The following PRKCSH variants were observed in gnomAD, a reference collection of about 807,000 sequenced individuals.
The protein encoded by PRKCSH is PRKCSH beta subunit of glucosidase II, also known as glucosidase 2 subunit beta.
A neutral mutation model predicts 79.7 loss-of-function variants in PRKCSH; 42 were observed. The ratio of observed to expected loss-of-function variants is 0.53; its 90% CI spans 0.41 to 0.68. The LOEUF is 0.68. PRKCSH is among the 30% of genes least tolerant of loss of function. The pLI is 0.00. For missense variants in PRKCSH, 686 were observed against 709.0 expected, an observed-to-expected ratio of 0.97 and a Z score of 0.37; for synonymous variants, 325 against 288.2, an observed-to-expected ratio of 1.13 and a Z score of -1.29.
In PRKCSH at chr19:11,437,983, T is replaced by C. The variant is rs745462223; in HGVS notation, c.292+12T>C. 1 of 1,613,854 alleles carries C rather than the reference T, an allele frequency of 6.2e-7. No individual in the cohort carries two copies. The highest frequency in any genetic ancestry group is 8.5e-7 in the Non-Finnish European group (1 of 1,179,764). On this transcript the variant is annotated intron_variant, in intron 4 of 17. Coordinates refer to ENST00000677123, the MANE Select transcript of PRKCSH (RefSeq NM_001289104.2). The stretch of plus-strand genomic sequence containing the variant: ...CGATGGTGTTTGTGGTAAGTGAAGA[T>C]GCACCAGGATTCTGGAAAGGTGGTA...
At chr19:11,446,390 C>T (rs2144841520) in intron 9 of PRKCSH, 40 bp downstream of exon 9, 2 of 1,594,758 alleles carry the variant, frequency 1.3e-6, no homozygotes, top group South Asian at 1.1e-5. Flanking sequence ...TTCTAGGGAG[C>T]ATTGCCCCAG....
At chr19:11,438,584 G>A (rs1363349417) in intron 5 of PRKCSH, among the ~76,000 whole-genome samples, 3 of 151,720 alleles carry the variant, frequency 2.0e-5, no homozygotes, top group African/African-American at 4.8e-5. Context: ...GTGAAACTCC[G>A]TCTCACTAAA....
At chr19:11,440,747 C>T (rs550290284) in intron 5 of PRKCSH, among the ~76,000 whole-genome samples, 1 of 152,350 alleles carries the variant, frequency 6.6e-6, no homozygotes, top group East Asian at 1.9e-4. Context: ...GCCACCACGC[C>T]CAGCCAACCA....
Position 11,448,207 on chromosome 19 carries a change from C to T in PRKCSH, c.1127-15C>T. ...TGGGGTTGAGGACATCTCTGACCTC[C>T]AACCCCTCTCCCAGCTGCCCAGGAG... is the stretch of plus-strand genomic sequence containing the variant. On this transcript the variant is annotated splice_polypyrimidine_tract_variant and intron_variant, in intron 12 of 17. Transcript: ENST00000677123. This position sits in a 1 kb window ranked among gnomAD's most constrained non-coding sequence, Gnocchi z 4.4. 1.3e-6 allele frequency: 2 copies of T among 1,554,298 alleles called. No homozygotes were observed. Among genetic ancestry groups the T allele is most frequent in the Non-Finnish European group, 1.7e-6 (2 of 1,148,390 alleles).
chr19:11,446,963 GGGCCC>G (rs1970334078), intron 9 of PRKCSH, 106 bp from the exon 10 acceptor site: 4 of 1,183,486 alleles, frequency 3.4e-6, no homozygotes. Flanking sequence ...CTGGTCATCA[GGGCCC>G]GGGGCCCAGC....
Position 11,447,801 on chromosome 19 carries a change from CG to C in PRKCSH, c.1126+17del. ...GGCCTTCATCGATGGTGAGGGTGGGCGGGGGCCAGGCTCCTCGGGTGGGCCC... is the reference window on the plus strand; with the variant it reads ...GGCCTTCATCGATGGTGAGGGTGGGCGGGGCCAGGCTCCTCGGGTGGGCCC... On this transcript the variant is annotated intron_variant, in intron 12 of 17. Coordinates refer to ENST00000677123, the MANE Select transcript of PRKCSH (RefSeq NM_001289104.2). This position sits in a 1 kb window ranked among gnomAD's most constrained non-coding sequence, Gnocchi z 5.6. 6 of 1,550,754 alleles carry C rather than the reference CG, an allele frequency of 3.9e-6. No homozygotes were observed. The highest frequency in any genetic ancestry group is 5.2e-6 in the Non-Finnish European group (6 of 1,147,472).
chr19:11,442,315 C>T (rs1017338882), intron 6 of PRKCSH, 71 bp from the exon 7 acceptor site: 2 of 1,529,766 alleles, frequency 1.3e-6, no homozygotes, highest in African/African-American at 2.8e-5. Flanking sequence ...GGAGTAGAGG[C>T]AGGGAGGTAG....
rs576156349 is a variant in PRKCSH at position 11,437,097 on chromosome 19, G to A, written c.196+592G>A. 4.7e-5 allele frequency among the ~76,000 whole-genome samples: 7 copies of A among 150,286 alleles called. No individual in the cohort carries two copies. In the South Asian group the frequency reaches 1.3e-3, roughly 27 times the overall value. ...GTTTCCCAGGCTGGAGTGCAGTGGC[G>A]CCATCTCGGCTCACTGCAAGCTCCG... On this transcript the variant is annotated intron_variant, in intron 3 of 17. Coordinates refer to ENST00000677123, the MANE Select transcript of PRKCSH (RefSeq NM_001289104.2).
At chr19:11,437,839 C>G (rs751290250) in intron 3 of PRKCSH, 37 bp from the exon 4 acceptor site, 10 of 1,572,926 alleles carry the variant, frequency 6.4e-6, no homozygotes, top group Non-Finnish European at 7.9e-6. Flanking sequence ...TGTCCCTGAG[C>G]TGACTCCGAA....
At chr19:11,446,645 G>A (rs1302518602) in intron 9 of PRKCSH, among the ~76,000 whole-genome samples, 16 of 48,884 alleles carry the variant, frequency 3.3e-4, no homozygotes, top group East Asian at 5.7e-4. Context: ...CCACACCCTC[G>A]TCCCCTGTCT....
chr19:11,448,012 C>T lies in PRKCSH; in HGVS notation c.1127-210C>T. 1 of 745,502 alleles carries T rather than the reference C, an allele frequency of 1.3e-6. No homozygotes were observed. The highest frequency in any genetic ancestry group is 2.2e-6 in the Non-Finnish European group (1 of 456,414). 46.2% of individuals were successfully genotyped at this position (745,502 alleles called of 1,614,324 possible). Reference sequence around the variant, plus strand: ...CCCAAGGGCCGCAGCTTGTTTGTGTCACTCCTGGCCCCACTCGCTCAGGAG... The same window carrying T: ...CCCAAGGGCCGCAGCTTGTTTGTGTTACTCCTGGCCCCACTCGCTCAGGAG... On this transcript the variant is annotated intron_variant, in intron 12 of 17. Transcript: ENST00000677123. The surrounding 1 kb of genome is among the most constrained non-coding windows in gnomAD (Gnocchi z 4.4).
chr19:11,447,695 G>C lies in PRKCSH; in HGVS notation c.1032G>C (p.Glu344Asp). 6.4e-7 allele frequency: 1 copy of C among 1,570,818 alleles called. No individual in the cohort carries two copies. Among genetic ancestry groups the C allele is most frequent in the Non-Finnish European group, 8.6e-7 (1 of 1,156,506 alleles). Reference protein sequence around the residue: ...DSEVQGEQPKEAPPPLSPPQP... With the variant: ...DSEVQGEQPKDAPPPLSPPQP... ...CACTGACCCTGCCCCTGCCCCAGGA[G>C]GCCCCACCGCCACTGTCACCCCCGC... Residue 344 changes from glutamate to aspartate, a missense_variant and splice_region_variant, in exon 12 of 18, where the codon GAG (glutamate) becomes GAC (aspartate). Glu to Asp is a conservative substitution (Grantham distance 45). This residue lies in a region of PRKCSH where 549 missense variants were observed against 520.2 expected (regional missense o/e 1.06). Coordinates refer to ENST00000677123, the MANE Select transcript of PRKCSH (RefSeq NM_001289104.2). The surrounding 1 kb of genome is among the most constrained non-coding windows in gnomAD (Gnocchi z 5.6).
At chr19:11,438,491 T>C (rs1846471766) in intron 5 of PRKCSH, among the ~76,000 whole-genome samples, 1 of 151,866 alleles carries the variant, frequency 6.6e-6, no homozygotes, top group Non-Finnish European at 1.5e-5. Context: ...GCGCGGTGGC[T>C]CACACCTGTA....
intron 3 of PRKCSH, among the ~76,000 whole-genome samples, chr19:11,436,926 T>C (rs753391023): frequency 6.6e-6 from 1 of 152,200 alleles, no homozygotes; most frequent in Non-Finnish European, 1.5e-5. Flanking sequence ...GGCATGATCG[T>C]AGCTCACTGC....
chr19:11,449,516 T>C lies in PRKCSH; in HGVS notation c.*16+88T>C, dbSNP rs1970492122. ...AAGATGGACCCACATGGCCACTCTA[T>C]CAACCTGTGTCCCCATGTTCCCTGC... On this transcript the variant is annotated intron_variant, in intron 17 of 17. Coordinates refer to ENST00000677123, the MANE Select transcript of PRKCSH (RefSeq NM_001289104.2). The surrounding 1 kb of genome is among the most constrained non-coding windows in gnomAD (Gnocchi z 6.4). The C allele has an allele frequency of 5.2e-6, 8 of 1,525,442 alleles. No homozygotes were observed. The highest frequency in any genetic ancestry group is 7.2e-6 in the Non-Finnish European group (8 of 1,107,450). 94.5% of individuals were successfully genotyped at this position (1,525,442 alleles called of 1,614,324 possible). A position where few individuals can be genotyped will look rare whatever the true frequency, so the allele number is the denominator to read the frequency against.
chr19:11,437,357 A>ATT (rs542447708), intron 3 of PRKCSH, among the ~76,000 whole-genome samples: 33 of 116,224 alleles, frequency 2.8e-4, no homozygotes, highest in Non-Finnish European at 4.7e-4. Flanking sequence ...TTTGTTTTTA[A>ATT]TTTTTTTTTT....
At position 11,449,579 on chromosome 19, in the gene PRKCSH, T is replaced by C. The variant is rs1970496693; in HGVS notation, c.*16+151T>C. On this transcript the variant is annotated intron_variant, in intron 17 of 17. Coordinates refer to ENST00000677123, the MANE Select transcript of PRKCSH (RefSeq NM_001289104.2). The surrounding 1 kb of genome is among the most constrained non-coding windows in gnomAD (Gnocchi z 6.4). ...TTTTTTTGAGGTGGAGTCTCACTCTTTGGCCCAGGCTGGAGTGCAGTGATG... is the reference window on the plus strand; with the variant it reads ...TTTTTTTGAGGTGGAGTCTCACTCTCTGGCCCAGGCTGGAGTGCAGTGATG... 1.9e-6 allele frequency: 2 copies of C among 1,078,928 alleles called. No individual in the cohort carries two copies. Among genetic ancestry groups the C allele is most frequent in the Admixed American group, 2.2e-5 (1 of 44,628 alleles). 66.8% of individuals were successfully genotyped at this position (1,078,928 alleles called of 1,614,324 possible). A position where few individuals can be genotyped will look rare whatever the true frequency, so the allele number is the denominator to read the frequency against.
chr19:11,441,488 C>A, intron 6 of PRKCSH, 131 bp downstream of exon 6: 3 of 854,612 alleles, frequency 3.5e-6, no homozygotes, highest in Non-Finnish European at 6.0e-6. Context: ...CGGAGCTTTG[C>A]TTTCTCAGTT....
chr19:11,449,006 G>A lies in PRKCSH; in HGVS notation c.1361+18G>A. The A allele has an allele frequency of 6.2e-7, 1 of 1,613,222 alleles. No homozygotes were observed. The highest frequency in any genetic ancestry group is 8.5e-7 in the Non-Finnish European group (1 of 1,179,974). On this transcript the variant is annotated intron_variant, in intron 15 of 17. Coordinates refer to ENST00000677123, the MANE Select transcript of PRKCSH (RefSeq NM_001289104.2). The surrounding 1 kb of genome is among the most constrained non-coding windows in gnomAD (Gnocchi z 6.4). ...AGCCTTGGGTGAGTGGCTTGGGCTG[G>A]CCCCTTCCCTCTGCCTCCTCCTGGT...
Sources: gnomAD v4.1 joint callset for allele counts (sites outside exome capture counted in the v4.1 genomes callset) on GRCh38, gnomAD v4.1.1 for gene constraint, gnomAD v4.1.1 regional missense constraint, Gnocchi (gnomAD v3.1) non-coding constraint, MANE v1.5 for transcripts, NCBI Gene and HGNC (gene_info 2026-07-23, HGNC 2026-07-21) for gene names.